Variants in ABHD17C observed in about 807,000 individuals in gnomAD.
ABHD17C encodes the protein alpha/beta hydrolase domain-containing protein 17C.
ABHD17C carries 11 observed loss-of-function variants against 27.9 expected under a neutral mutation model. The ratio of observed to expected loss-of-function variants is 0.39; its 90% CI spans 0.25 to 0.65. The LOEUF (loss-of-function observed/expected upper bound fraction) is 0.65. ABHD17C is among the 30% of genes least tolerant of loss of function. ABHD17C has a pLI of 0.45. For missense variants in ABHD17C, 280 were observed against 470.2 expected (o/e 0.60, Z 3.74); for synonymous variants, 233 against 209.1 (o/e 1.11, Z -0.98).
In ABHD17C at chr15:80,754,543, C is replaced by A; in HGVS notation, c.*173C>A. ...CAGTCTTTTGTATCTAGAGGTGGTT[C>A]TGCTAATTCACACAACACGTTAAAC... On this transcript the variant is annotated 3_prime_UTR_variant, in exon 3 of 3. Coordinates refer to ENST00000258884, the MANE Select transcript of ABHD17C (RefSeq NM_021214.2). 1 of 604,122 alleles carries A rather than the reference C, an allele frequency of 1.7e-6. No homozygotes were observed. The highest frequency in any genetic ancestry group is 2.9e-6 in the Non-Finnish European group (1 of 345,178). The allele number at this position is 604,122 out of a possible 1,614,324, so 37.4% of individuals were successfully genotyped here.
intron 1 of ABHD17C, among the ~76,000 whole-genome samples, chr15:80,730,156 A>G (rs1368440888): frequency 3.3e-5 from 5 of 152,142 alleles, no homozygotes; most frequent in African/African-American, 9.7e-5. Flanking sequence ...GCAACTAGGC[A>G]TAGACATAAT....
intron 1 of ABHD17C, among the ~76,000 whole-genome samples, chr15:80,715,368 A>G (rs1265211448): frequency 6.6e-6 from 1 of 152,222 alleles, no homozygotes; most frequent in Non-Finnish European, 1.5e-5. Context: ...CTAGGTTAAG[A>G]GCAAGGACAG....
At chr15:80,713,649 A>C (rs537418645) in intron 1 of ABHD17C, among the ~76,000 whole-genome samples, 3 of 152,004 alleles carry the variant, frequency 2.0e-5, no homozygotes, top group South Asian at 2.1e-4. Context: ...CTCTACTAAA[A>C]ATACAAAAAA....
chr15:80,739,913 A>G (rs1895185096), intron 1 of ABHD17C, among the ~76,000 whole-genome samples: 2 of 152,074 alleles, frequency 1.3e-5, no homozygotes, highest in South Asian at 4.1e-4. Context: ...CTTTCTTTTT[A>G]AGCCTCTAGT....
chr15:80,723,295 G>T (rs1472177256), intron 1 of ABHD17C, among the ~76,000 whole-genome samples: 1 of 152,094 alleles, frequency 6.6e-6, no homozygotes. Context: ...CATGACCCAG[G>T]GGTCACCACT....
intron 1 of ABHD17C, among the ~76,000 whole-genome samples, chr15:80,714,652 A>G (rs1596063213): frequency 6.6e-6 from 1 of 152,178 alleles, no homozygotes; most frequent in Non-Finnish European, 1.5e-5. Context: ...TTGGCTTAAT[A>G]TTTATTATTT....
chr15:80,745,817 T>C (rs1231815920), intron 1 of ABHD17C, among the ~76,000 whole-genome samples: 3 of 152,238 alleles, frequency 2.0e-5, no homozygotes, highest in Non-Finnish European at 2.9e-5. Flanking sequence ...CATGTACATA[T>C]TCTACAGCAC....
At chr15:80,740,771 C>CA (rs1025009374) in intron 1 of ABHD17C, among the ~76,000 whole-genome samples, 1 of 152,194 alleles carries the variant, frequency 6.6e-6, no homozygotes, top group Non-Finnish European at 1.5e-5. Flanking sequence ...ACCCAAGGGC[C>CA]AGCTGTACAG....
chr15:80,712,589 A>G (rs1478197964), intron 1 of ABHD17C, among the ~76,000 whole-genome samples: 2 of 152,126 alleles, frequency 1.3e-5, no homozygotes, highest in Non-Finnish European at 2.9e-5. Context: ...CTCAGAGGAG[A>G]AGGGGAATGT....
intron 1 of ABHD17C, among the ~76,000 whole-genome samples, chr15:80,729,899 G>A (rs1371480509): frequency 5.3e-5 from 8 of 152,196 alleles, no homozygotes; most frequent in African/African-American, 1.9e-4. Context: ...ATCATTTGAG[G>A]TCAGGAGTTC....
At chr15:80,700,612 C>A (rs73500822) in intron 1 of ABHD17C, among the ~76,000 whole-genome samples, 1,937 of 152,194 alleles carry the variant, frequency 0.013, 27 homozygotes, top group African/African-American at 0.045. Context: ...AACCATTAAA[C>A]ATAGGCTGGG....
chr15:80,709,838 A>G (rs764449367), intron 1 of ABHD17C, among the ~76,000 whole-genome samples: 2 of 152,070 alleles, frequency 1.3e-5, no homozygotes, highest in East Asian at 1.9e-4. Context: ...GACACACCTA[A>G]TATCCTGTTG....
At chr15:80,729,735 T>C (rs982848737) in intron 1 of ABHD17C, among the ~76,000 whole-genome samples, 2 of 152,198 alleles carry the variant, frequency 1.3e-5, no homozygotes, top group South Asian at 2.1e-4. Context: ...ACTTGCACGT[T>C]TGATATGTTC....
chr15:80,732,963 G>A (rs1596069574), intron 1 of ABHD17C, among the ~76,000 whole-genome samples: 1 of 152,266 alleles, frequency 6.6e-6, no homozygotes, highest in East Asian at 1.9e-4. Flanking sequence ...ATGGGTGAAG[G>A]ACTACAAGTG....
chr15:80,715,744 G>A (rs1348462017), intron 1 of ABHD17C, among the ~76,000 whole-genome samples: 1 of 152,210 alleles, frequency 6.6e-6, no homozygotes, highest in Non-Finnish European at 1.5e-5. Context: ...AGTAGTGAGT[G>A]CAAGGTTTCC....
chr15:80,750,429 A>T (rs1052805943), intron 2 of ABHD17C, among the ~76,000 whole-genome samples: 1 of 152,048 alleles, frequency 6.6e-6, no homozygotes, highest in Non-Finnish European at 1.5e-5. Context: ...GGGGCCTAGG[A>T]TTGTTACCCC....
intron 1 of ABHD17C, among the ~76,000 whole-genome samples, chr15:80,718,570 G>A (rs555145840): frequency 1.1e-3 from 175 of 152,262 alleles, no homozygotes; most frequent in African/African-American, 4.1e-3. Context: ...CTGATCTCAA[G>A]TGATCATCCC....
chr15:80,709,687 C>G (rs532274232), intron 1 of ABHD17C, among the ~76,000 whole-genome samples: 1 of 152,228 alleles, frequency 6.6e-6, no homozygotes, highest in Non-Finnish European at 1.5e-5. Flanking sequence ...CCGCCTCACA[C>G]TTCCCGGCCT....
intron 1 of ABHD17C, among the ~76,000 whole-genome samples, chr15:80,714,714 AAC>A (rs1894779731): frequency 6.6e-6 from 1 of 152,168 alleles, no homozygotes; most frequent in Non-Finnish European, 1.5e-5. Flanking sequence ...AGTGTTTTAA[AAC>A]ACACACAGAC....
Sources: allele counts gnomAD v4.1 joint callset (sites outside exome capture counted in the v4.1 genomes callset), GRCh38; gene constraint gnomAD v4.1.1; transcripts MANE v1.5; gene names NCBI Gene and HGNC (gene_info 2026-07-23, HGNC 2026-07-21).